NPAS2: variants seen among roughly 807,000 people sequenced by gnomAD.
NPAS2 encodes the protein neuronal PAS domain-containing protein 2.
NPAS2 carries 23 observed loss-of-function variants against 107.5 expected under a neutral mutation model. The ratio of observed to expected loss-of-function variants is 0.21; its 90% CI spans 0.15 to 0.30. The LOEUF (loss-of-function observed/expected upper bound fraction) is 0.30. Among genes scored for constraint, NPAS2 ranks in the 10% least tolerant of loss-of-function variants. The pLI is 1.00. For synonymous variants in NPAS2, 403 were observed against 417.5 expected, an observed-to-expected ratio of 0.97 and a Z score of 0.42; for missense variants, 756 against 1,043.3, an observed-to-expected ratio of 0.72 and a Z score of 3.79.
chr2:100,822,479 A>G (rs1168968662), intron 1 of NPAS2, among the ~76,000 whole-genome samples: 1 of 152,136 alleles, frequency 6.6e-6, no homozygotes, highest in African/African-American at 2.4e-5. Context: ...AATTCACCCT[A>G]TTTTTTTGAA....
intron 7 of NPAS2, among the ~76,000 whole-genome samples, chr2:100,950,058 C>T (rs1236770664): frequency 2.0e-5 from 3 of 152,218 alleles, no homozygotes; most frequent in Admixed American, 2.0e-4. Context: ...CAAACTCTGG[C>T]TACAGAGACA....
At chr2:100,948,499 A>G (rs879545657) in intron 6 of NPAS2, 144 bp downstream of exon 6, 47 of 778,570 alleles carry the variant, frequency 6.0e-5, no homozygotes, top group Non-Finnish European at 8.3e-5. Context: ...CCTTAGAGGT[A>G]TATTTTAGGT....
chr2:100,838,164 C>G (rs754599538), intron 1 of NPAS2, among the ~76,000 whole-genome samples: 1 of 150,372 alleles, frequency 6.7e-6, no homozygotes, highest in Non-Finnish European at 1.5e-5. Context: ...ATTGTCATCC[C>G]TGGGTTAGCT....
intron 2 of NPAS2, among the ~76,000 whole-genome samples, chr2:100,921,467 C>T (rs995158747): frequency 6.7e-6 from 1 of 148,582 alleles, no homozygotes; most frequent in East Asian, 2.0e-4. Context: ...GGTTTTTGAG[C>T]CCCACATTCA....
chr2:100,973,135 C>A (rs1011807523), intron 12 of NPAS2, among the ~76,000 whole-genome samples: 1 of 151,708 alleles, frequency 6.6e-6, no homozygotes, highest in Non-Finnish European at 1.5e-5. Flanking sequence ...GCCGAGATTG[C>A]GCCATTGCAC....
intron 1 of NPAS2, among the ~76,000 whole-genome samples, chr2:100,832,766 G>A (rs1299096275): frequency 6.6e-6 from 1 of 152,150 alleles, no homozygotes; most frequent in East Asian, 1.9e-4. Flanking sequence ...AAAAGGAATA[G>A]TTAATTCTTC....
chr2:100,979,981 A>C (rs1677334868), intron 15 of NPAS2, among the ~76,000 whole-genome samples: 1 of 152,240 alleles, frequency 6.6e-6, no homozygotes. Context: ...AAAGAAGGGA[A>C]AAATGAAATC....
At chr2:100,824,834 G>A (rs1009200304) in intron 1 of NPAS2, among the ~76,000 whole-genome samples, 1 of 152,190 alleles carries the variant, frequency 6.6e-6, no homozygotes, top group Non-Finnish European at 1.5e-5. Context: ...CACGCTCCCT[G>A]AAAGTAAATC....
intron 2 of NPAS2, among the ~76,000 whole-genome samples, chr2:100,914,247 C>G (rs187874254): frequency 6.6e-6 from 1 of 152,284 alleles, no homozygotes; most frequent in African/African-American, 2.4e-5. Flanking sequence ...CTTCCTTCAG[C>G]CTTCCTGAAA....
At chr2:100,919,834 C>A (rs1342007263) in intron 2 of NPAS2, among the ~76,000 whole-genome samples, 2 of 152,178 alleles carry the variant, frequency 1.3e-5, no homozygotes, top group Non-Finnish European at 2.9e-5. Context: ...GTTCTTGCCT[C>A]TAGGGGCTCC....
At chr2:100,984,196 C>T (rs958887232) in intron 16 of NPAS2, 5 of 152,184 alleles carry the variant, frequency 3.3e-5, no homozygotes, top group African/African-American at 1.2e-4. Flanking sequence ...GTGGAATTTT[C>T]CAGAGATCAT....
chr2:100,958,687 G>A (rs1675724467), intron 7 of NPAS2, among the ~76,000 whole-genome samples: 1 of 152,180 alleles, frequency 6.6e-6, no homozygotes, highest in Non-Finnish European at 1.5e-5. Flanking sequence ...GCTCGTTTCA[G>A]TCTGGGAGTG....
At chr2:100,949,282 A>G (rs1196495471) in intron 6 of NPAS2, 85 bp from the exon 7 acceptor site, 1 of 806,526 alleles carries the variant, frequency 1.2e-6, no homozygotes, top group East Asian at 2.5e-5. Context: ...AAATCCCATA[A>G]GAGTTTTCAC....
intron 1 of NPAS2, among the ~76,000 whole-genome samples, chr2:100,880,051 A>T (rs1680235523): frequency 6.6e-6 from 1 of 152,242 alleles, no homozygotes; most frequent in African/African-American, 2.4e-5. Flanking sequence ...CTCTGCTCCA[A>T]TATCTGAAGG....
At chr2:100,871,570 A>G (rs564429254) in intron 1 of NPAS2, among the ~76,000 whole-genome samples, 1 of 152,016 alleles carries the variant, frequency 6.6e-6, no homozygotes, top group South Asian at 2.1e-4. Context: ...GCCTCAAGTG[A>G]TCTGCCCGCC....
intron 1 of NPAS2, among the ~76,000 whole-genome samples, chr2:100,877,778 C>T (rs758656114): frequency 6.6e-6 from 1 of 152,138 alleles, no homozygotes; most frequent in Non-Finnish European, 1.5e-5. Context: ...GCTTGGCATC[C>T]CTCTTAGGGA....
chr2:100,927,170 G>A (rs1054619030), intron 3 of NPAS2, among the ~76,000 whole-genome samples: 7 of 151,908 alleles, frequency 4.6e-5, no homozygotes, highest in African/African-American at 1.2e-4. Flanking sequence ...TCCTGACCTC[G>A]TGATTCACCC....
intron 1 of NPAS2, among the ~76,000 whole-genome samples, chr2:100,850,299 G>C (rs13397910): frequency 7.2e-5 from 11 of 152,194 alleles, no homozygotes; most frequent in Admixed American, 6.5e-4. Context: ...GGTTGCATCA[G>C]ATTTAGTTTC....
intron 1 of NPAS2, among the ~76,000 whole-genome samples, chr2:100,867,847 CTTAT>C (rs1679350869): frequency 6.6e-6 from 1 of 152,004 alleles, no homozygotes; most frequent in African/African-American, 2.4e-5. Context: ...AGCTGAAGTA[CTTAT>C]TTATTTTTAA....
Sources: allele counts gnomAD v4.1 joint callset (sites outside exome capture counted in the v4.1 genomes callset), GRCh38; gene constraint gnomAD v4.1.1; transcripts MANE v1.5; gene names NCBI Gene and HGNC (gene_info 2026-07-23, HGNC 2026-07-21).